Variants in ZBTB20 observed in about 807,000 individuals in gnomAD.
The protein encoded by ZBTB20 is zinc finger and BTB domain containing 20, also known as zinc finger and BTB domain-containing protein 20.
ZBTB20 carries 9 observed loss-of-function variants against 56.9 expected under a neutral mutation model. That is an observed-to-expected ratio of 0.16 (90% CI 0.10 to 0.28). The LOEUF (loss-of-function observed/expected upper bound fraction) is 0.28, where lower values mean the gene tolerates loss of function less well. ZBTB20 is among the 10% of genes least tolerant of loss of function. The pLI is 1.00. For synonymous variants in ZBTB20, 417 were observed against 420.7 expected (o/e 0.99, Z 0.11); for missense variants, 655 against 1,003.0 (o/e 0.65, Z 4.69).
chr3:114,762,467 T>C (rs551741716), intron 5 of ZBTB20, among the ~76,000 whole-genome samples: 30 of 152,284 alleles, frequency 2.0e-4, no homozygotes, highest in African/African-American at 7.0e-4. Context: ...AACAGAACAT[T>C]TATTTTTGGT....
chr3:114,926,707 TTA>T (rs1412812143), intron 3 of ZBTB20, among the ~76,000 whole-genome samples: 1 of 152,132 alleles, frequency 6.6e-6, no homozygotes, highest in Non-Finnish European at 1.5e-5. Context: ...CAAGTAAAAT[TTA>T]TATATAACAA....
Position 114,787,358 on chromosome 3 carries a change from T to TACACAC in ZBTB20, c.-343+13742_-343+13743insGTGTGT, listed in dbSNP as rs1195060301. Among the ~76,000 whole-genome samples, 16 of 85,920 alleles carry TACACAC rather than the reference T, an allele frequency of 1.9e-4. 1 individual carries two copies. Among genetic ancestry groups the TACACAC allele is most frequent in the Non-Finnish European group, 2.6e-4 (10 of 39,006 alleles). The allele number at this position is 85,920 out of a possible 152,430, so 56.4% of individuals were successfully genotyped here. On this transcript the variant is annotated intron_variant, in intron 5 of 11. Coordinates refer to ENST00000675478, the MANE Select transcript of ZBTB20 (RefSeq NM_001348800.3). ...ATATATATATATATATATATATATA[T>TACACAC]ATATATATATACACACACACACACA... is the stretch of plus-strand genomic sequence containing the variant.
chr3:114,912,130 G>GAAA (rs10575416), intron 3 of ZBTB20, among the ~76,000 whole-genome samples: 3 of 136,674 alleles, frequency 2.2e-5, no homozygotes, highest in African/African-American at 8.2e-5. Flanking sequence ...AGTGCTAAAA[G>GAAA]AAAAAAAAAA....
intron 1 of ZBTB20, among the ~76,000 whole-genome samples, chr3:115,111,066 T>C (rs1416119439): frequency 6.6e-6 from 1 of 151,576 alleles, no homozygotes; most frequent in Non-Finnish European, 1.5e-5. Context: ...CAAATCCTCC[T>C]TCATGTTAAA....
intron 4 of ZBTB20, among the ~76,000 whole-genome samples, chr3:114,813,857 A>G (rs1286463301): frequency 6.6e-6 from 1 of 152,232 alleles, no homozygotes; most frequent in Non-Finnish European, 1.5e-5. Context: ...TCAATGAATT[A>G]TATCTGTGTG....
intron 1 of ZBTB20, among the ~76,000 whole-genome samples, chr3:115,090,893 G>T (rs1443059095): frequency 6.6e-6 from 1 of 151,838 alleles, no homozygotes; most frequent in Non-Finnish European, 1.5e-5. Context: ...ACCTCTAGAT[G>T]TAAATTTCAT....
chr3:115,085,659 TTG>T (rs1560560225), intron 1 of ZBTB20, among the ~76,000 whole-genome samples: 1 of 151,804 alleles, frequency 6.6e-6, no homozygotes, highest in East Asian at 1.9e-4. Flanking sequence ...TTAATAAGAG[TTG>T]TGTGCATTCA....
chr3:114,531,862 C>T (rs925218493), intron 6 of ZBTB20, among the ~76,000 whole-genome samples: 16 of 152,120 alleles, frequency 1.1e-4, no homozygotes, highest in African/African-American at 2.4e-4. Context: ...GGTGGGGCAT[C>T]GCTTCACCCA....
At chr3:114,739,324 T>C (rs1188907135) in intron 5 of ZBTB20, among the ~76,000 whole-genome samples, 3 of 152,212 alleles carry the variant, frequency 2.0e-5, no homozygotes, top group Non-Finnish European at 4.4e-5. Context: ...TCAGGCCCTT[T>C]GAATCCACCC....
chr3:114,933,300 A>G (rs1027573368), intron 3 of ZBTB20, among the ~76,000 whole-genome samples: 4 of 152,254 alleles, frequency 2.6e-5, no homozygotes, highest in African/African-American at 9.6e-5. Context: ...GGGTACAATT[A>G]TTAAACAAGT....
intron 6 of ZBTB20, among the ~76,000 whole-genome samples, chr3:114,648,265 A>G (rs1406177496): frequency 6.6e-6 from 1 of 151,926 alleles, no homozygotes; most frequent in African/African-American, 2.4e-5. Flanking sequence ...AGCTATAAAC[A>G]TGTTATACAT....
At chr3:114,432,184 A>G (rs978582410) in intron 7 of ZBTB20, among the ~76,000 whole-genome samples, 30 of 145,378 alleles carry the variant, frequency 2.1e-4, no homozygotes, top group Admixed American at 5.5e-4. Flanking sequence ...AAAAAAAAAG[A>G]CAGTGACAGA....
chr3:114,796,846 T>C (rs769634406), intron 5 of ZBTB20, among the ~76,000 whole-genome samples: 1 of 151,986 alleles, frequency 6.6e-6, no homozygotes, highest in Non-Finnish European at 1.5e-5. Flanking sequence ...GTTGGAAATA[T>C]AGGACTAAAG....
intron 1 of ZBTB20, among the ~76,000 whole-genome samples, chr3:115,142,677 A>G (rs985575567): frequency 6.6e-6 from 1 of 150,974 alleles, no homozygotes; most frequent in Non-Finnish European, 1.5e-5. Context: ...AAAAAAAAAA[A>G]TTCAACTGAA....
intron 5 of ZBTB20, among the ~76,000 whole-genome samples, chr3:114,795,494 G>T (rs2071281149): frequency 6.6e-6 from 1 of 152,004 alleles, no homozygotes; most frequent in African/African-American, 2.4e-5. Context: ...CTTTGCATTT[G>T]AATACAGGAT....
intron 6 of ZBTB20, among the ~76,000 whole-genome samples, chr3:114,649,642 C>T (rs1269421888): frequency 6.6e-6 from 1 of 151,864 alleles, no homozygotes; most frequent in Admixed American, 6.6e-5. Context: ...TATTTGATCT[C>T]AAGCTTTCTA....
At chr3:115,123,224 C>CTT (rs2084232738) in intron 1 of ZBTB20, among the ~76,000 whole-genome samples, 1 of 152,110 alleles carries the variant, frequency 6.6e-6, no homozygotes, top group African/African-American at 2.4e-5. Context: ...GCCATTATCT[C>CTT]TTAATATTTT....
intron 4 of ZBTB20, among the ~76,000 whole-genome samples, chr3:114,848,667 G>A (rs931878349): frequency 1.3e-5 from 2 of 152,068 alleles, no homozygotes; most frequent in Non-Finnish European, 2.9e-5. Context: ...CTCTGCCTTT[G>A]GTTACTTTAC....
intron 2 of ZBTB20, among the ~76,000 whole-genome samples, chr3:115,049,411 C>T (rs1354801299): frequency 2.0e-5 from 3 of 151,972 alleles, no homozygotes; most frequent in African/African-American, 7.2e-5. Flanking sequence ...CAAAGTGTTT[C>T]GTATTTCAGA....
Sources: allele counts gnomAD v4.1 joint callset (sites outside exome capture counted in the v4.1 genomes callset), GRCh38; gene constraint gnomAD v4.1.1; transcripts MANE v1.5; gene names NCBI Gene and HGNC (gene_info 2026-07-23, HGNC 2026-07-21).